The following DIAPH3 variants were observed in gnomAD, a reference collection of about 807,000 sequenced individuals.
DIAPH3 encodes the protein protein diaphanous homolog 3.
Under a neutral mutation model 144.3 loss-of-function variants are expected in DIAPH3, and 117 were observed. The observed-to-expected ratio is 0.81, with a 90% CI of 0.70 to 0.95. The LOEUF is 0.95. DIAPH3 is among the 40% of genes least tolerant of loss of function. The pLI is 0.00. For missense variants in DIAPH3, 1,421 were observed against 1,412.7 expected, an observed-to-expected ratio of 1.01 and a Z score of -0.09; for synonymous variants, 519 against 488.9, an observed-to-expected ratio of 1.06 and a Z score of -0.81.
At chr13:60,156,939 ATTTTTTTT>A (rs757042309) in intron 1 of DIAPH3, among the ~76,000 whole-genome samples, 2,961 of 81,988 alleles carry the variant, frequency 0.036, 162 homozygotes, top group South Asian at 0.064. Flanking sequence ...ATATATATAT[ATTTTTTTT>A]TTTTTTTTTT....
At chr13:59,698,262 A>G (rs1300183948) in intron 27 of DIAPH3, among the ~76,000 whole-genome samples, 4 of 152,162 alleles carry the variant, frequency 2.6e-5, no homozygotes, top group Admixed American at 1.3e-4. Context: ...AAATTAAATA[A>G]TTGCTTGCCT....
At chr13:59,822,448 A>ATT (rs898418277) in intron 24 of DIAPH3, among the ~76,000 whole-genome samples, 1 of 150,418 alleles carries the variant, frequency 6.6e-6, no homozygotes, top group African/African-American at 2.4e-5. Context: ...TTATTTATTT[A>ATT]TTTTTTTTTG....
chr13:59,953,761 C>G (rs533990455), intron 17 of DIAPH3, among the ~76,000 whole-genome samples: 1 of 152,086 alleles, frequency 6.6e-6, no homozygotes, highest in Admixed American at 6.6e-5. Flanking sequence ...TGAGAAGTCC[C>G]TTTTCTTTTT....
At chr13:59,848,417 T>C (rs1283817522) in intron 22 of DIAPH3, among the ~76,000 whole-genome samples, 13 of 150,688 alleles carry the variant, frequency 8.6e-5, no homozygotes, top group Middle Eastern at 3.4e-3. Context: ...CTGCACCCAC[T>C]AACTCGTCAT....
chr13:60,109,759 T>C (rs1272328826), intron 3 of DIAPH3, among the ~76,000 whole-genome samples: 2 of 152,218 alleles, frequency 1.3e-5, no homozygotes, highest in African/African-American at 4.8e-5. Flanking sequence ...ACACCTATCA[T>C]GTTCACCTTG....
At chr13:59,903,344 G>T (rs1274922706) in intron 20 of DIAPH3, among the ~76,000 whole-genome samples, 1 of 152,112 alleles carries the variant, frequency 6.6e-6, no homozygotes, top group African/African-American at 2.4e-5. Flanking sequence ...TATCCTTTCA[G>T]TTTCCTCACC....
intron 27 of DIAPH3, among the ~76,000 whole-genome samples, chr13:59,689,442 G>C (rs901480824): frequency 6.6e-6 from 1 of 151,944 alleles, no homozygotes; most frequent in Non-Finnish European, 1.5e-5. Flanking sequence ...AAACAGAGTC[G>C]TCATCAGCAA....
At chr13:59,752,580 G>A (rs1050230750) in intron 27 of DIAPH3, among the ~76,000 whole-genome samples, 1 of 151,964 alleles carries the variant, frequency 6.6e-6, no homozygotes, top group African/African-American at 2.4e-5. Context: ...GTTGTGCAGG[G>A]CTGGTCTCGA....
chr13:59,988,798 G>A (rs867634056), intron 12 of DIAPH3, among the ~76,000 whole-genome samples: 1 of 151,738 alleles, frequency 6.6e-6, no homozygotes, highest in Non-Finnish European at 1.5e-5. Context: ...TTTAACTAGC[G>A]TGGTATTTTA....
chr13:59,996,198 A>G (rs2052180091), intron 9 of DIAPH3, among the ~76,000 whole-genome samples: 1 of 152,094 alleles, frequency 6.6e-6, no homozygotes, highest in Non-Finnish European at 1.5e-5. Flanking sequence ...AGCAGAAACT[A>G]CTTGCCTCCC....
chr13:59,675,257 G>A (rs556656694), intron 27 of DIAPH3, among the ~76,000 whole-genome samples: 5 of 152,076 alleles, frequency 3.3e-5, no homozygotes, highest in South Asian at 2.1e-4. Context: ...AAATCGAGAC[G>A]GGGTCTTGCT....
intron 22 of DIAPH3, among the ~76,000 whole-genome samples, chr13:59,857,067 G>T (rs1405587183): frequency 1.3e-5 from 2 of 152,102 alleles, no homozygotes; most frequent in African/African-American, 4.8e-5. Context: ...TGCTGCAGGG[G>T]ATATAAAATG....
intron 9 of DIAPH3, among the ~76,000 whole-genome samples, chr13:60,000,950 A>T (rs919523068): frequency 1.3e-5 from 2 of 152,224 alleles, no homozygotes; most frequent in Non-Finnish European, 2.9e-5. Context: ...CTAAAGGAAA[A>T]GTAGCCAAGG....
intron 20 of DIAPH3, among the ~76,000 whole-genome samples, chr13:59,896,709 G>C (rs910739275): frequency 3.9e-5 from 6 of 152,272 alleles, no homozygotes; most frequent in South Asian, 4.1e-4. Flanking sequence ...GGGATACCTA[G>C]TCAGAGAGTT....
intron 1 of DIAPH3, among the ~76,000 whole-genome samples, chr13:60,151,243 C>CGT (rs970466309): frequency 1.2e-4 from 18 of 152,290 alleles, no homozygotes; most frequent in Admixed American, 1.2e-3. Flanking sequence ...CCTAAGCTAT[C>CGT]GTAACATGTG....
intron 22 of DIAPH3, among the ~76,000 whole-genome samples, chr13:59,840,929 C>T (rs1204835497): frequency 6.8e-6 from 1 of 146,542 alleles, no homozygotes; most frequent in Non-Finnish European, 1.5e-5. Flanking sequence ...TTAAGAATCA[C>T]ATATTCTTAC....
chr13:60,048,394 T>C (rs2056186709), intron 4 of DIAPH3, among the ~76,000 whole-genome samples: 1 of 152,136 alleles, frequency 6.6e-6, no homozygotes, highest in African/African-American at 2.4e-5. Flanking sequence ...AATAAACAGA[T>C]TAAAAACTTC....
At chr13:59,797,543 G>A (rs1397877792) in intron 25 of DIAPH3, among the ~76,000 whole-genome samples, 1 of 152,174 alleles carries the variant, frequency 6.6e-6, no homozygotes, top group East Asian at 1.9e-4. Flanking sequence ...TAGATAAGGT[G>A]TAATTAGTAC....
chr13:60,000,662 G>T (rs1029746962), intron 9 of DIAPH3, among the ~76,000 whole-genome samples: 1 of 152,184 alleles, frequency 6.6e-6, no homozygotes, highest in African/African-American at 2.4e-5. Flanking sequence ...CAGAACTAAA[G>T]ATGCTACAGA....
Sources: allele counts gnomAD v4.1 joint callset (sites outside exome capture counted in the v4.1 genomes callset), GRCh38; gene constraint gnomAD v4.1.1; transcripts MANE v1.5; gene names NCBI Gene and HGNC (gene_info 2026-07-23, HGNC 2026-07-21).